Variants in USH2A observed in about 807,000 individuals in gnomAD.
USH2A encodes Usher syndrome 2A (autosomal recessive, mild).
USH2A carries 443 observed loss-of-function variants against 538.9 expected under a neutral mutation model. The ratio of observed to expected loss-of-function variants is 0.82; its 90% CI spans 0.76 to 0.89. The LOEUF (loss-of-function observed/expected upper bound fraction) is 0.89, where lower values mean the gene tolerates loss of function less well. Ranked by LOEUF, USH2A falls within the 40% of genes least tolerant of loss-of-function variation. The probability of loss-of-function intolerance (pLI) is 0.00; values close to 1 mark genes in which losing one functional copy is unlikely to be tolerated. For synonymous variants in USH2A, 2,413 were observed against 2,273.5 expected, an observed-to-expected ratio of 1.06 and a Z score of -1.75; for missense variants, 6,633 against 6,324.8, an observed-to-expected ratio of 1.05 and a Z score of -1.65.
chr1:216,179,053 C>A (rs762272716), intron 20 of USH2A, among the ~76,000 whole-genome samples: 16 of 151,978 alleles, frequency 1.1e-4, no homozygotes, highest in Non-Finnish European at 1.5e-4. Flanking sequence ...TGAAAGCAGC[C>A]TTTCTCCAGG....
chr1:216,228,879 G>T (rs1257679521), intron 14 of USH2A, among the ~76,000 whole-genome samples: 1 of 152,064 alleles, frequency 6.6e-6, no homozygotes, highest in Admixed American at 6.6e-5. Flanking sequence ...AAAACTTGTG[G>T]ATCTTTTTGT....
At chr1:216,224,536 C>A (rs914070048) in intron 14 of USH2A, among the ~76,000 whole-genome samples, 6 of 152,038 alleles carry the variant, frequency 3.9e-5, no homozygotes, top group African/African-American at 1.4e-4. Context: ...TGGTCAGTAA[C>A]TTTTGAAGAA....
chr1:216,358,658 T>C (rs1474284272), intron 4 of USH2A, among the ~76,000 whole-genome samples: 2 of 152,112 alleles, frequency 1.3e-5, no homozygotes, highest in African/African-American at 4.8e-5. Context: ...CGACTGTACA[T>C]ATAAATTGAT....
At chr1:216,385,474 A>G (rs932443089) in intron 3 of USH2A, among the ~76,000 whole-genome samples, 2 of 152,212 alleles carry the variant, frequency 1.3e-5, no homozygotes, top group Non-Finnish European at 2.9e-5. Context: ...GGGAGAAGAC[A>G]CATAACTGAA....
intron 40 of USH2A, among the ~76,000 whole-genome samples, chr1:215,891,517 A>G (rs1452322782): frequency 6.6e-6 from 1 of 152,230 alleles, no homozygotes; most frequent in Non-Finnish European, 1.5e-5. Flanking sequence ...ATTATGTAAA[A>G]CATGAGTAAT....
intron 14 of USH2A, among the ~76,000 whole-genome samples, chr1:216,224,629 T>C (rs1025446818): frequency 2.0e-5 from 3 of 152,190 alleles, no homozygotes; most frequent in Non-Finnish European, 4.4e-5. Flanking sequence ...ATTTTTGTTG[T>C]TGGTTGTGTA....
At chr1:215,867,331 C>T (rs1263969839) in intron 43 of USH2A, among the ~76,000 whole-genome samples, 161 bp from the exon 44 acceptor site, 1 of 152,142 alleles carries the variant, frequency 6.6e-6, no homozygotes. Flanking sequence ...TTTATTTTCC[C>T]TCCTTACACA....
At chr1:215,837,867 T>G in intron 47 of USH2A, 124 bp downstream of exon 47, 1 of 805,108 alleles carries the variant, frequency 1.2e-6, no homozygotes, top group East Asian at 2.6e-5. Flanking sequence ...AAAAATTTGA[T>G]TTACACACAT....
At position 216,415,508 on chromosome 1, in the gene USH2A, C is replaced by CTTT. The variant is rs71161423; in HGVS notation, c.651+3003_651+3005dup. Reference sequence around the variant, plus strand: ...TCCTAATCTCCTGTCCTTCCTGTCACTTTTTTTTTTTTTTTTTTTTTTTTT... The same window carrying CTTT: ...TCCTAATCTCCTGTCCTTCCTGTCACTTTTTTTTTTTTTTTTTTTTTTTTTTTT... On this transcript the variant is annotated intron_variant, in intron 3 of 71. Transcript: ENST00000307340. Among the ~76,000 whole-genome samples the CTTT allele has an allele frequency of 3.5e-3, 337 of 96,846 alleles. 11 individuals are homozygous for CTTT. Among genetic ancestry groups the CTTT allele is most frequent in the African/African-American group, 0.013 (323 of 25,806 alleles). 63.5% of individuals were successfully genotyped at this position (96,846 alleles called of 152,430 possible). A position where few individuals can be genotyped will look rare whatever the true frequency, so the allele number is the denominator to read the frequency against.
intron 21 of USH2A, among the ~76,000 whole-genome samples, chr1:216,120,247 A>G (rs2033101818): frequency 7.6e-6 from 1 of 132,050 alleles, no homozygotes; most frequent in African/African-American, 2.8e-5. Flanking sequence ...AAAAAAAAAA[A>G]AAAATGGCTG....
intron 62 of USH2A, among the ~76,000 whole-genome samples, chr1:215,678,305 T>C (rs1249545953): frequency 2.0e-5 from 3 of 152,214 alleles, no homozygotes; most frequent in East Asian, 3.9e-4. Context: ...CAGCCTACAA[T>C]GTTGGGACAA....
intron 60 of USH2A, among the ~76,000 whole-genome samples, chr1:215,737,744 A>T (rs1184474509): frequency 2.0e-5 from 3 of 152,030 alleles, no homozygotes; most frequent in African/African-American, 7.2e-5. Flanking sequence ...TACAAATTGA[A>T]TTACATCAAA....
chr1:215,952,615 A>AT (rs1205933114), intron 37 of USH2A, among the ~76,000 whole-genome samples: 2 of 151,900 alleles, frequency 1.3e-5, no homozygotes, highest in East Asian at 1.9e-4. Flanking sequence ...TCTGTAAAGT[A>AT]TTTTTTTTCT....
intron 65 of USH2A, among the ~76,000 whole-genome samples, chr1:215,649,878 C>T (rs371590925): frequency 6.6e-6 from 1 of 152,314 alleles, no homozygotes; most frequent in Non-Finnish European, 1.5e-5. Context: ...GAGTCTTCAT[C>T]GTGCTGGCTG....
intron 30 of USH2A, among the ~76,000 whole-genome samples, chr1:216,063,774 A>G (rs972086156): frequency 3.3e-5 from 5 of 152,204 alleles, no homozygotes; most frequent in African/African-American, 1.2e-4. Flanking sequence ...TTTGTAAACT[A>G]TCACTTTTAA....
At chr1:216,028,109 C>T (rs902228820) in intron 32 of USH2A, among the ~76,000 whole-genome samples, 14 of 152,014 alleles carry the variant, frequency 9.2e-5, no homozygotes, top group African/African-American at 3.1e-4. Context: ...CAGAAGTGGC[C>T]GGGTGCAGTG....
At chr1:215,692,465 ATG>A (rs60428650) in intron 61 of USH2A, among the ~76,000 whole-genome samples, 29,537 of 151,910 alleles carry the variant, frequency 0.19, 3,146 homozygotes, top group South Asian at 0.47. Flanking sequence ...ATATATATAT[ATG>A]AATTAGAACT....
rs758571672 is a variant in USH2A, at chr1:216,289,392, C to A, written c.1859G>T (p.Cys620Phe). 88 of 1,613,804 alleles carry A rather than the reference C, an allele frequency of 5.5e-5. No homozygotes were observed. Among genetic ancestry groups the A allele is most frequent in the Non-Finnish European group, 7.3e-5 (86 of 1,179,830 alleles). The change falls in exon 11 of 72, where the codon TGC (cysteine) becomes TTC (phenylalanine). Residue 620 changes from cysteine (C) to phenylalanine (F), a missense_variant. Transcript: ENST00000307340. Reference sequence around the variant, plus strand: ...AACTTGTCGGAAAAAGTAATCCTTGCACAGCTCACAGTTCCTTCCTGCATC... The same window carrying A: ...AACTTGTCGGAAAAAGTAATCCTTGAACAGCTCACAGTTCCTTCCTGCATC... ...HNTTGRNCEL[C>F]KDYFFRQVGA...
chr1:216,285,441 T>C (rs533903346), intron 11 of USH2A, among the ~76,000 whole-genome samples: 235 of 152,228 alleles, frequency 1.5e-3, no homozygotes, highest in South Asian at 6.2e-4. Flanking sequence ...TTTCAGAGGA[T>C]GTATGGAAAT....
Sources: gnomAD v4.1 joint callset for allele counts (sites outside exome capture counted in the v4.1 genomes callset) on GRCh38, gnomAD v4.1.1 for gene constraint, MANE v1.5 for transcripts, NCBI Gene and HGNC (gene_info 2026-07-23, HGNC 2026-07-21) for gene names.